PIGL: variants seen among roughly 807,000 people sequenced by gnomAD.
PIGL encodes phosphatidylinositol glycan anchor biosynthesis class L, also known as N-acetylglucosaminyl-phosphatidylinositol de-N-acetylase.
PIGL carries 22 observed loss-of-function variants against 31.1 expected under a neutral mutation model. The ratio of observed to expected loss-of-function variants is 0.71; its 90% confidence interval spans 0.51 to 1.01. PIGL has a LOEUF of 1.01. Among genes scored for constraint, PIGL ranks in the 50% least tolerant of loss-of-function variants. The pLI is 0.00. For synonymous variants in PIGL, 131 were observed against 117.4 expected (o/e 1.12, Z -0.75); for missense variants, 302 against 315.9 (o/e 0.96, Z 0.33).
intron 2 of PIGL, among the ~76,000 whole-genome samples, chr17:16,291,663 C>T (rs529978223): frequency 1.3e-3 from 193 of 150,526 alleles, no homozygotes; most frequent in African/African-American, 4.2e-3. Context: ...GTCAGGAGTT[C>T]GAGACCAGCC....
chr17:16,287,578 C>G (rs1446399913), intron 2 of PIGL, among the ~76,000 whole-genome samples: 3 of 152,186 alleles, frequency 2.0e-5, no homozygotes, highest in Admixed American at 1.3e-4. Context: ...TTTTTGTTTT[C>G]AAAATTCAAT....
At chr17:16,290,087 C>G (rs1044351152) in intron 2 of PIGL, among the ~76,000 whole-genome samples, 1 of 150,178 alleles carries the variant, frequency 6.7e-6, no homozygotes, top group South Asian at 2.1e-4. Context: ...TCTTTTTTTT[C>G]TCTTTTTTTT....
Position 16,223,780 on chromosome 17 carries a change from A to T in PIGL, c.235+6319A>T, listed in dbSNP as rs144511571. Among the ~76,000 whole-genome samples the T allele has an allele frequency of 2.8e-4, 42 of 152,208 alleles. No homozygotes were observed. The East Asian group carries it at 8.1e-3, about 29-fold the overall frequency. ...AATGGGGAGAATGGTTTGGAAGGAA[A>T]GATTGGAGTCAGGAAAATCAATTCA... On this transcript the variant is annotated intron_variant, in intron 1 of 6. Transcript: ENST00000225609.
At chr17:16,262,900 A>G (rs1025856371) in intron 2 of PIGL, among the ~76,000 whole-genome samples, 2 of 152,184 alleles carry the variant, frequency 1.3e-5, no homozygotes, top group Admixed American at 1.3e-4. Context: ...GGAAGAAAAT[A>G]CTGATTGATG....
At chr17:16,269,443 T>G (rs1379978146) in intron 2 of PIGL, among the ~76,000 whole-genome samples, 1 of 151,770 alleles carries the variant, frequency 6.6e-6, no homozygotes, top group Non-Finnish European at 1.5e-5. Flanking sequence ...CAGTCAGGAG[T>G]TCGAGACCAG....
At chr17:16,268,352 C>T (rs1287566685) in intron 2 of PIGL, among the ~76,000 whole-genome samples, 3 of 140,562 alleles carry the variant, frequency 2.1e-5, no homozygotes, top group African/African-American at 7.4e-5. Flanking sequence ...CATTTCCCTT[C>T]TGTTGCCACT....
intron 2 of PIGL, among the ~76,000 whole-genome samples, chr17:16,276,435 G>A (rs2092895811): frequency 6.6e-6 from 1 of 152,160 alleles, no homozygotes; most frequent in Admixed American, 6.5e-5. Flanking sequence ...AAAAACTACT[G>A]ATAAGACTAG....
intron 3 of PIGL, 45 bp downstream of exon 3, chr17:16,300,023 C>A: frequency 7.0e-7 from 1 of 1,434,908 alleles, no homozygotes; most frequent in Non-Finnish European, 9.8e-7. Context: ...GTCTTGGTCC[C>A]ATTCACACCA....
chr17:16,267,702 AG>A (rs200958459), intron 2 of PIGL, among the ~76,000 whole-genome samples: 6,389 of 150,958 alleles, frequency 0.042, 470 homozygotes, highest in African/African-American at 0.15. Context: ...ATCAAAAAAA[AG>A]AAAAAAAGAA....
At chr17:16,320,215 AAGGAAGGAAGGAAGGAAG>A (rs2093097488) in intron 6 of PIGL, among the ~76,000 whole-genome samples, 1 of 64,664 alleles carries the variant, frequency 1.5e-5, no homozygotes, top group African/African-American at 7.0e-5. Flanking sequence ...GGAAGGAAGG[AAGGAAGGAAGGAAGGAAG>A]GAAGGAAGGA....
At chr17:16,304,352 T>G (rs767295498) in intron 3 of PIGL, among the ~76,000 whole-genome samples, 4 of 152,220 alleles carry the variant, frequency 2.6e-5, no homozygotes, top group Non-Finnish European at 4.4e-5. Flanking sequence ...AAAGCAAAGC[T>G]GGCTCTGCAG....
Position 16,269,381 on chromosome 17 carries a change from C to T in PIGL, c.336-30507C>T, listed in dbSNP as rs139441448. On this transcript the variant is annotated intron_variant, in intron 2 of 6. Transcript: ENST00000225609. ...ACCTGGGGCAGGCCAGGCACTGTGG[C>T]TCATGCCTGCAATCCCAGCACTTTG... Among the ~76,000 whole-genome samples, 670 of 152,214 alleles carry T rather than the reference C, an allele frequency of 4.4e-3. 7 individuals are homozygous for T. Among genetic ancestry groups the T allele is most frequent in the African/African-American group, 0.015 (626 of 41,550 alleles).
At chr17:16,267,718 A>G (rs1049798509) in intron 2 of PIGL, among the ~76,000 whole-genome samples, 12 of 152,036 alleles carry the variant, frequency 7.9e-5, no homozygotes, top group Admixed American at 6.6e-5. Flanking sequence ...AAAGAAAAAA[A>G]AAAGAAAAGG....
At chr17:16,278,450 A>G (rs2092904463) in intron 2 of PIGL, among the ~76,000 whole-genome samples, 1 of 152,222 alleles carries the variant, frequency 6.6e-6, no homozygotes, top group Non-Finnish European at 1.5e-5. Flanking sequence ...GTCTGACCAT[A>G]AGGTAAGGTT....
chr17:16,317,216 G>A, intron 5 of PIGL: 1 of 1,005,530 alleles, frequency 9.9e-7, no homozygotes, highest in Non-Finnish European at 1.2e-6. Flanking sequence ...TTCAATGAAT[G>A]AAAACGTAAG....
intron 2 of PIGL, among the ~76,000 whole-genome samples, chr17:16,285,618 T>C (rs2092934249): frequency 6.6e-6 from 1 of 151,962 alleles, no homozygotes; most frequent in Non-Finnish European, 1.5e-5. Flanking sequence ...CTTCAAGCCG[T>C]ATGTGGAAAA....
intron 3 of PIGL, among the ~76,000 whole-genome samples, chr17:16,302,756 C>G (rs527639154): frequency 6.6e-6 from 1 of 150,914 alleles, no homozygotes; most frequent in African/African-American, 2.4e-5. Context: ...CGCGCCACCA[C>G]GCCCAGATAA....
chr17:16,325,808 GTCCTGCCACCGCAGCCAGCTCC>G lies in PIGL; in HGVS notation c.672_693del (p.Cys225GlyfsTer13). 1 of 1,613,276 alleles carries G rather than the reference GTCCTGCCACCGCAGCCAGCTCC, an allele frequency of 6.2e-7. No individual in the cohort carries two copies. ...CTCTTTGATTCTTCTAGAAAGCCAT[GTCCTGCCACCGCAGCCAGCTCC>G]TCTGGTTCCGCCGCCTCTACATTAT... On this transcript the variant is annotated frameshift_variant, in exon 7 of 7. Transcript: ENST00000225609. LOFTEE classifies it high-confidence loss of function.
chr17:16,250,352 A>G lies in PIGL; in HGVS notation c.335+16282A>G, dbSNP rs145218023. Among the ~76,000 whole-genome samples, 959 of 152,338 alleles carry G rather than the reference A, an allele frequency of 6.3e-3. 17 individuals are homozygous for G. Among genetic ancestry groups the G allele is most frequent in the African/African-American group, 0.021 (891 of 41,578 alleles). ...AAAAAACATAGTATATATAGGGTTC[A>G]GTACCATCTGCTATTTCAGGTATCC... On this transcript the variant is annotated intron_variant, in intron 2 of 6. Transcript: ENST00000225609.
Sources: allele counts gnomAD v4.1 joint callset (sites outside exome capture counted in the v4.1 genomes callset), GRCh38; gene constraint gnomAD v4.1.1; transcripts MANE v1.5; gene names NCBI Gene and HGNC (gene_info 2026-07-23, HGNC 2026-07-21).